Variants in SLC16A10 observed in about 807,000 individuals in gnomAD.
SLC16A10 encodes solute carrier family 16 member 10.
In SLC16A10, 27 loss-of-function variants were observed where a neutral mutation model predicts 40.0. That is an observed-to-expected ratio of 0.67 (90% CI 0.50 to 0.93). SLC16A10 has a LOEUF of 0.93. Among genes scored for constraint, SLC16A10 ranks in the 40% least tolerant of loss-of-function variants. The probability of loss-of-function intolerance (pLI) is 0.00; values close to 1 mark genes in which losing one functional copy is unlikely to be tolerated. For missense variants in SLC16A10, 529 were observed against 658.2 expected, an observed-to-expected ratio of 0.80 and a Z score of 2.15; for synonymous variants, 213 against 249.8, an observed-to-expected ratio of 0.85 and a Z score of 1.39.
At chr6:111,189,216 G>C (rs1422800939) in intron 3 of SLC16A10, among the ~76,000 whole-genome samples, 1 of 152,186 alleles carries the variant, frequency 6.6e-6, no homozygotes, top group African/African-American at 2.4e-5. Flanking sequence ...GAGATGGAAG[G>C]TGATGGTAAG....
At chr6:111,209,035 C>CAA (rs879672374) in intron 4 of SLC16A10, among the ~76,000 whole-genome samples, 3 of 146,608 alleles carry the variant, frequency 2.0e-5, no homozygotes, top group Non-Finnish European at 3.0e-5. Flanking sequence ...TCATCTCTAC[C>CAA]AAAAAAAAAA....
Position 111,226,311 on chromosome 6 carries a change from T to C in SLC16A10, c.*4076T>C, listed in dbSNP as rs1770995331. The C allele has an allele frequency of 6.6e-6, 1 of 152,192 alleles. No homozygotes were observed. The highest frequency in any genetic ancestry group is 1.5e-5 in the Non-Finnish European group (1 of 68,042). 9.4% of individuals were successfully genotyped at this position (152,192 alleles called of 1,614,324 possible). On this transcript the variant is annotated 3_prime_UTR_variant, in exon 6 of 6. Transcript: ENST00000368851. ...GCATGAAGGGTGACTGGGAATGTAG[T>C]GTGCCTCTCTGATGCAGTTCCTAAT...
At chr6:111,188,684 T>A (rs1772941547) in intron 3 of SLC16A10, among the ~76,000 whole-genome samples, 1 of 152,232 alleles carries the variant, frequency 6.6e-6, no homozygotes, top group Non-Finnish European at 1.5e-5. Context: ...AAATTTACTC[T>A]CAATCCCTAT....
rs1771012842 is a variant in SLC16A10 at position 111,227,094 on chromosome 6, C to T, written c.*4859C>T. Reference sequence around the variant, plus strand: ...TGAGCTGTGGTTGCACCACTGCACTCCAGCCTGGGTGACAAAATGAGACCT... The same window carrying T: ...TGAGCTGTGGTTGCACCACTGCACTTCAGCCTGGGTGACAAAATGAGACCT... On this transcript the variant is annotated 3_prime_UTR_variant, in exon 6 of 6. Transcript: ENST00000368851. The T allele has an allele frequency of 6.6e-6, 1 of 152,258 alleles. No homozygotes were observed. The highest frequency in any genetic ancestry group is 2.4e-5 in the African/African-American group (1 of 41,444). 9.4% of individuals were successfully genotyped at this position (152,258 alleles called of 1,614,324 possible).
In SLC16A10 at chr6:111,122,168, A is replaced by C. The variant is rs140090481; in HGVS notation, c.343+34073A>C. ...GTGACTCACAGTGTTGTGGGGAGTGATGGTGGTCATTTTATCCCAGGCTGG... is the reference window on the plus strand; with the variant it reads ...GTGACTCACAGTGTTGTGGGGAGTGCTGGTGGTCATTTTATCCCAGGCTGG... On this transcript the variant is annotated intron_variant, in intron 1 of 5. Coordinates refer to ENST00000368851, the MANE Select transcript of SLC16A10 (RefSeq NM_018593.5). Among the ~76,000 whole-genome samples the C allele has an allele frequency of 1.1e-3, 173 of 152,216 alleles. 1 individual carries two copies. Among genetic ancestry groups the C allele is most frequent in the African/African-American group, 4.0e-3 (168 of 41,522 alleles).
chr6:111,100,992 C>CTATATATA (rs71021826), intron 1 of SLC16A10, among the ~76,000 whole-genome samples: 14 of 66,416 alleles, frequency 2.1e-4, no homozygotes, highest in East Asian at 1.4e-3. Flanking sequence ...CTCTCTCTCT[C>CTATATATA]TATATATATA....
chr6:111,111,659 C>T (rs1344002189), intron 1 of SLC16A10, among the ~76,000 whole-genome samples: 6 of 152,168 alleles, frequency 3.9e-5, no homozygotes, highest in Non-Finnish European at 1.5e-5. Context: ...TGCCCATTTC[C>T]CTCTCCTCTC....
At chr6:111,121,251 T>C (rs1771577377) in intron 1 of SLC16A10, among the ~76,000 whole-genome samples, 1 of 152,196 alleles carries the variant, frequency 6.6e-6, no homozygotes, top group Non-Finnish European at 1.5e-5. Flanking sequence ...TCCAGTTCAT[T>C]GGCAGCAGCA....
intron 3 of SLC16A10, among the ~76,000 whole-genome samples, chr6:111,184,069 G>A (rs550935942): frequency 1.3e-5 from 2 of 152,150 alleles, no homozygotes; most frequent in Admixed American, 1.3e-4. Context: ...TTTTCTCATC[G>A]GCATGAAATG....
At chr6:111,098,855 A>G (rs1006186792) in intron 1 of SLC16A10, among the ~76,000 whole-genome samples, 2 of 152,200 alleles carry the variant, frequency 1.3e-5, no homozygotes, top group Non-Finnish European at 2.9e-5. Context: ...GTAGCACTCA[A>G]ACTTTGACAG....
At chr6:111,136,935 G>C (rs1238953438) in intron 1 of SLC16A10, among the ~76,000 whole-genome samples, 1 of 152,210 alleles carries the variant, frequency 6.6e-6, no homozygotes. Flanking sequence ...GCAATATGGA[G>C]AGAAAGGGAA....
chr6:111,151,668 G>T (rs922616463), intron 1 of SLC16A10, among the ~76,000 whole-genome samples: 1 of 152,218 alleles, frequency 6.6e-6, no homozygotes, highest in African/African-American at 2.4e-5. Flanking sequence ...GACATTTAAA[G>T]AATAAAGTCC....
Position 111,224,454 on chromosome 6 carries a change from A to G in SLC16A10, c.*2219A>G, listed in dbSNP as rs984515523. The G allele has an allele frequency of 2.0e-5, 3 of 152,206 alleles. No homozygotes were observed. The highest frequency in any genetic ancestry group is 1.9e-4 in the East Asian group (1 of 5,194). 9.4% of individuals were successfully genotyped at this position (152,206 alleles called of 1,614,324 possible). A position where few individuals can be genotyped will look rare whatever the true frequency, so the allele number is the denominator to read the frequency against. On this transcript the variant is annotated 3_prime_UTR_variant, in exon 6 of 6. Coordinates refer to ENST00000368851, the MANE Select transcript of SLC16A10 (RefSeq NM_018593.5). Reference sequence around the variant, plus strand: ...AAAAGAAATTGCTTGGTTAGTTTCCATATTAAAACAGCAGTGACAAGTATA... The same window carrying G: ...AAAAGAAATTGCTTGGTTAGTTTCCGTATTAAAACAGCAGTGACAAGTATA...
chr6:111,211,568 C>T (rs568806865), intron 4 of SLC16A10, among the ~76,000 whole-genome samples: 13 of 152,326 alleles, frequency 8.5e-5, no homozygotes, highest in Admixed American at 3.9e-4. Flanking sequence ...ACAGGTGTGA[C>T]AGCTGCATTT....
intron 1 of SLC16A10, among the ~76,000 whole-genome samples, chr6:111,154,992 C>A (rs535670377): frequency 7.2e-6 from 1 of 138,378 alleles, no homozygotes; most frequent in African/African-American, 2.8e-5. Flanking sequence ...CACTGCACTC[C>A]AGCTTGGGTG....
chr6:111,165,413 C>G (rs917987638), intron 1 of SLC16A10, among the ~76,000 whole-genome samples: 3 of 152,108 alleles, frequency 2.0e-5, no homozygotes, highest in Admixed American at 2.0e-4. Context: ...AAAAGAAAAT[C>G]TTTTTCCAGT....
At chr6:111,117,391 G>A (rs1318895070) in intron 1 of SLC16A10, among the ~76,000 whole-genome samples, 3 of 145,968 alleles carry the variant, frequency 2.1e-5, no homozygotes, top group African/African-American at 7.6e-5. Flanking sequence ...GAGGGTCAAA[G>A]CCAATGTGCA....
intron 3 of SLC16A10, among the ~76,000 whole-genome samples, chr6:111,188,473 T>C (rs1772937558): frequency 1.3e-5 from 2 of 152,158 alleles, no homozygotes; most frequent in South Asian, 4.1e-4. Context: ...GGTTATAACA[T>C]TTCCTTGACA....
At chr6:111,093,621 T>G (rs1771022326) in intron 1 of SLC16A10, among the ~76,000 whole-genome samples, 1 of 152,250 alleles carries the variant, frequency 6.6e-6, no homozygotes, top group African/African-American at 2.4e-5. Flanking sequence ...AAAGAGATTT[T>G]GTTTTGTTTA....
Sources: gnomAD v4.1 joint callset for allele counts (sites outside exome capture counted in the v4.1 genomes callset) on GRCh38, gnomAD v4.1.1 for gene constraint, MANE v1.5 for transcripts, NCBI Gene and HGNC (gene_info 2026-07-23, HGNC 2026-07-21) for gene names.